The following GALNT13 variants were observed in gnomAD, a reference collection of about 807,000 sequenced individuals.
GALNT13 encodes polypeptide N-acetylgalactosaminyltransferase 13, also known as UDP-GalNAc:polypeptide N-acetylgalactosaminyltransferase 13.
In GALNT13, 28 loss-of-function variants were observed where a neutral mutation model predicts 64.2. That is an observed-to-expected ratio of 0.44 (90% confidence interval 0.32 to 0.60). The LOEUF (loss-of-function observed/expected upper bound fraction) is 0.60, where lower values mean the gene tolerates loss of function less well. Ranked by LOEUF, GALNT13 falls within the 20% of genes least tolerant of loss-of-function variation. The pLI is 0.05. For missense variants in GALNT13, 577 were observed against 669.8 expected (o/e 0.86, Z 1.53); for synonymous variants, 214 against 224.6 (o/e 0.95, Z 0.42).
At chr2:153,519,292 A>G in the GALNT13 span, among the ~76,000 whole-genome samples, 11 of 152,190 alleles carry the variant, frequency 7.2e-5, no homozygotes, top group African/African-American at 2.4e-4. Flanking sequence ...TAATCTATCA[A>G]TCCTGCAGGT....
chr2:153,443,568 G>A, the GALNT13 span, among the ~76,000 whole-genome samples: 3 of 152,030 alleles, frequency 2.0e-5, no homozygotes, highest in South Asian at 2.1e-4. Flanking sequence ...TTTTATGTGC[G>A]GAGCACTCTT....
chr2:154,241,693 A>G (rs1280238648), intron 4 of GALNT13, among the ~76,000 whole-genome samples: 2 of 152,212 alleles, frequency 1.3e-5, no homozygotes, highest in Admixed American at 1.3e-4. Context: ...AAATGATAAA[A>G]TTATATTCAC....
the GALNT13 span, among the ~76,000 whole-genome samples, chr2:153,097,003 AT>A: frequency 6.6e-6 from 1 of 151,270 alleles, no homozygotes; most frequent in Non-Finnish European, 1.5e-5. Context: ...GATATGATTT[AT>A]TTTTTTGCTT....
At chr2:154,014,883 A>C (rs1180424094) in intron 3 of GALNT13, among the ~76,000 whole-genome samples, 5 of 151,938 alleles carry the variant, frequency 3.3e-5, no homozygotes, top group Non-Finnish European at 2.9e-5. Flanking sequence ...TGCCCGCCTC[A>C]GCCTCCCAAA....
At chr2:153,122,175 C>G in the GALNT13 span, among the ~76,000 whole-genome samples, 1 of 151,904 alleles carries the variant, frequency 6.6e-6, no homozygotes, top group Admixed American at 6.6e-5. Context: ...TATAGTTCCT[C>G]TAGAATGAGG....
chr2:153,818,978 G>A, the GALNT13 span, among the ~76,000 whole-genome samples: 10 of 152,056 alleles, frequency 6.6e-5, no homozygotes, highest in Non-Finnish European at 7.4e-5. Flanking sequence ...TGGACCAGCC[G>A]GACCTGGGTC....
At chr2:153,896,722 C>T (rs1042104991) in intron 1 of GALNT13, among the ~76,000 whole-genome samples, 3 of 151,938 alleles carry the variant, frequency 2.0e-5, no homozygotes, top group African/African-American at 7.2e-5. Flanking sequence ...GTTTTTTGAT[C>T]CTCACCTTCT....
chr2:154,077,929 A>T lies in GALNT13; in HGVS notation c.143-62408A>T, dbSNP rs80351367. Reference sequence around the variant, plus strand: ...TCTTGAATGAAAATAGCAGTCTGCAAAATTGTTAAACAGAGAATGGTCACA... The same window carrying T: ...TCTTGAATGAAAATAGCAGTCTGCATAATTGTTAAACAGAGAATGGTCACA... On this transcript the variant is annotated intron_variant, in intron 3 of 12. Coordinates refer to ENST00000392825, the MANE Select transcript of GALNT13 (RefSeq NM_052917.4). Among the ~76,000 whole-genome samples, 131 of 151,640 alleles carry T rather than the reference A, an allele frequency of 8.6e-4. No homozygotes were observed. The East Asian group carries it at 0.019, about 22-fold the overall frequency.
At chr2:153,310,669 A>G in the GALNT13 span, among the ~76,000 whole-genome samples, 16 of 152,330 alleles carry the variant, frequency 1.1e-4, no homozygotes, top group African/African-American at 2.9e-4. Context: ...CCTGTTATCA[A>G]TAAGGCTTCT....
At chr2:153,248,981 G>A in the GALNT13 span, among the ~76,000 whole-genome samples, 1 of 152,124 alleles carries the variant, frequency 6.6e-6, no homozygotes, top group South Asian at 2.1e-4. Flanking sequence ...AGACAAGAAT[G>A]CTCTCTCTCA....
chr2:154,114,120 G>A (rs550859652), intron 3 of GALNT13, among the ~76,000 whole-genome samples: 28 of 152,268 alleles, frequency 1.8e-4, no homozygotes, highest in African/African-American at 6.7e-4. Flanking sequence ...GTCCTTGATG[G>A]TGGCACTAAT....
intron 2 of GALNT13, among the ~76,000 whole-genome samples, chr2:153,942,068 C>T (rs1691374770): frequency 6.6e-6 from 1 of 152,118 alleles, no homozygotes; most frequent in African/African-American, 2.4e-5. Context: ...TTATCTTAGA[C>T]ATTTCAATAT....
intron 2 of GALNT13, among the ~76,000 whole-genome samples, chr2:153,943,385 A>G (rs1419588209): frequency 6.6e-6 from 1 of 152,122 alleles, no homozygotes; most frequent in Non-Finnish European, 1.5e-5. Context: ...ATCAGCTGGG[A>G]TTTTAGAGGC....
At chr2:153,993,595 G>T (rs1200093784) in intron 3 of GALNT13, among the ~76,000 whole-genome samples, 1 of 150,832 alleles carries the variant, frequency 6.6e-6, no homozygotes, top group East Asian at 2.0e-4. Flanking sequence ...TACTCGGGAG[G>T]CTGAGGCAGG....
At chr2:153,700,906 A>T in the GALNT13 span, among the ~76,000 whole-genome samples, 1 of 152,272 alleles carries the variant, frequency 6.6e-6, no homozygotes, top group South Asian at 2.1e-4. Flanking sequence ...TTGTGAAAAT[A>T]ACCATACTAC....
chr2:154,287,730 T>A (rs1253771354), intron 8 of GALNT13, among the ~76,000 whole-genome samples: 2 of 152,130 alleles, frequency 1.3e-5, no homozygotes, highest in African/African-American at 4.8e-5. Context: ...ACTGTTCTTT[T>A]GAACTGCCTA....
chr2:153,562,171 G>A, the GALNT13 span, among the ~76,000 whole-genome samples: 1 of 151,260 alleles, frequency 6.6e-6, no homozygotes, highest in Admixed American at 6.6e-5. Flanking sequence ...AACCATTTGT[G>A]AGTAAATTGG....
the GALNT13 span, among the ~76,000 whole-genome samples, chr2:153,492,478 G>T: frequency 6.6e-6 from 1 of 152,184 alleles, no homozygotes; most frequent in Non-Finnish European, 1.5e-5. Flanking sequence ...ACAGGTGAGT[G>T]CAAGCGGTCT....
the GALNT13 span, among the ~76,000 whole-genome samples, chr2:153,400,814 C>T: frequency 6.6e-6 from 1 of 152,100 alleles, no homozygotes; most frequent in Non-Finnish European, 1.5e-5. Flanking sequence ...ATTCTTCTCT[C>T]TTTTTTTCTT....
Sources: allele counts gnomAD v4.1 joint callset (sites outside exome capture counted in the v4.1 genomes callset), GRCh38; gene constraint gnomAD v4.1.1; transcripts MANE v1.5; gene names NCBI Gene and HGNC (gene_info 2026-07-23, HGNC 2026-07-21).